CA5A: variants seen among roughly 807,000 people sequenced by gnomAD.
The protein encoded by CA5A is carbonic anhydrase 5A, also known as carbonic anhydrase 5A, mitochondrial.
A neutral mutation model predicts 37.1 loss-of-function variants in CA5A; 28 were observed. The ratio of observed to expected loss-of-function variants is 0.75; its 90% CI spans 0.56 to 1.03. The LOEUF (loss-of-function observed/expected upper bound fraction) is 1.03, where lower values mean the gene tolerates loss of function less well. CA5A is among the 50% of genes least tolerant of loss of function. CA5A has a pLI of 0.00. For missense variants in CA5A, 444 were observed against 399.9 expected (o/e 1.11, Z -0.94); for synonymous variants, 171 against 158.4 (o/e 1.08, Z -0.60).
chr16:87,902,330 T>C (rs960193223), intron 4 of CA5A, 95 bp downstream of exon 4: 3 of 741,200 alleles, frequency 4.0e-6, no homozygotes, highest in African/African-American at 1.8e-5. Flanking sequence ...CTCCAGCCTG[T>C]GTGACACAGC....
intron 2 of CA5A, among the ~76,000 whole-genome samples, chr16:87,907,636 G>C (rs1481100581): frequency 6.6e-6 from 1 of 152,062 alleles, no homozygotes; most frequent in African/African-American, 2.4e-5. Context: ...AGCAGAGGCT[G>C]TTTCTAGGCT....
chr16:87,915,395 C>T (rs543680797), intron 2 of CA5A, among the ~76,000 whole-genome samples: 7 of 152,120 alleles, frequency 4.6e-5, no homozygotes, highest in South Asian at 4.1e-4. Flanking sequence ...CAAGGCCAGG[C>T]GTGGTGGAGT....
chr16:87,921,869 A>ATT (rs1319680191), intron 2 of CA5A, among the ~76,000 whole-genome samples: 3 of 75,606 alleles, frequency 4.0e-5, no homozygotes, highest in African/African-American at 1.7e-4. Flanking sequence ...TGTTATTATT[A>ATT]TTATTATTAT....
At chr16:87,887,184 T>G (rs550715502), downstream of CA5A, 69 of 152,436 alleles carry the variant, frequency 4.5e-4, no homozygotes, top group African/African-American at 1.6e-3. Flanking sequence ...ATTACAGGCA[T>G]GAGCCACTGC....
intron 3 of CA5A, among the ~76,000 whole-genome samples, chr16:87,903,038 G>GT (rs1031470277): frequency 8.7e-5 from 12 of 138,400 alleles, no homozygotes; most frequent in African/African-American, 3.0e-4. Context: ...CTTCCTGGTG[G>GT]GGGGGGAAAG....
intron 5 of CA5A, chr16:87,893,712 C>G: frequency 3.9e-6 from 2 of 514,798 alleles, no homozygotes; most frequent in South Asian, 3.0e-5. Context: ...CAGATTTGGT[C>G]GTGGACATGG....
chr16:87,896,984 C>A (rs1415649086), intron 5 of CA5A, among the ~76,000 whole-genome samples: 1 of 152,204 alleles, frequency 6.6e-6, no homozygotes, highest in Non-Finnish European at 1.5e-5. Context: ...ATTTTATGAG[C>A]GTCAAGCCCC....
intron 5 of CA5A, among the ~76,000 whole-genome samples, chr16:87,895,991 T>G (rs1327474847): frequency 6.6e-6 from 1 of 152,152 alleles, no homozygotes; most frequent in Non-Finnish European, 1.5e-5. Context: ...CTGGTGCACG[T>G]GGGTAACAGG....
intron 2 of CA5A, chr16:87,923,398 G>T: frequency 4.1e-6 from 1 of 241,664 alleles, no homozygotes; most frequent in Non-Finnish European, 6.7e-6. Flanking sequence ...ATGTTGGCCA[G>T]GCTGAACTTG....
At chr16:87,882,275 T>C (rs2055613848) in intron 4 of CA5A, 2 of 152,246 alleles carry the variant, frequency 1.3e-5, no homozygotes, top group African/African-American at 4.8e-5. Context: ...CAGCGTGAAC[T>C]GCCCGGCATT....
At position 87,934,425 on chromosome 16, in the gene CA5A, G is replaced by A. The variant is rs149342835; in HGVS notation, c.142+1884C>T. 4.3e-3 allele frequency among the ~76,000 whole-genome samples: 662 copies of A among 152,296 alleles called. 2 individuals are homozygous for A. Among genetic ancestry groups the A allele is most frequent in the African/African-American group, 0.012 (482 of 41,568 alleles). ...ATCTACTAAAAATACAAAATTAGCC[G>A]GATGTGGTGGCGCATGCCTGTAATT... is the stretch of plus-strand genomic sequence containing the variant. On this transcript the variant is annotated intron_variant, in intron 1 of 6. Transcript: ENST00000649794.
chr16:87,895,269 G>C (rs1239012120), intron 5 of CA5A, among the ~76,000 whole-genome samples: 1 of 151,936 alleles, frequency 6.6e-6, no homozygotes, highest in African/African-American at 2.4e-5. Flanking sequence ...AAATAGGCTG[G>C]GCACGGTGGC....
intron 5 of CA5A, 119 bp from the exon 6 acceptor site, chr16:87,892,073 G>T: frequency 2.3e-6 from 2 of 864,236 alleles, no homozygotes; most frequent in Non-Finnish European, 3.4e-6. Flanking sequence ...CCCAGATAAG[G>T]CCATGAGGCC....
In CA5A at chr16:87,888,028, T is replaced by C. The variant is rs948316170; in HGVS notation, c.*101A>G. On this transcript the variant is annotated 3_prime_UTR_variant, in exon 7 of 7. Coordinates refer to ENST00000649794, the MANE Select transcript of CA5A (RefSeq NM_001739.2). Reference sequence around the variant, plus strand: ...ACTAAAACAATAACCTCATGCTCTCTTTTTAATTTCAGAAGTCATGTACAA... The same window carrying C: ...ACTAAAACAATAACCTCATGCTCTCCTTTTAATTTCAGAAGTCATGTACAA... 26 of 1,484,366 alleles carry C rather than the reference T, an allele frequency of 1.8e-5. No homozygotes were observed. The highest frequency in any genetic ancestry group is 1.7e-4 in the African/African-American group (12 of 71,204). The allele number at this position is 1,484,366 out of a possible 1,614,324, so 91.9% of individuals were successfully genotyped here.
rs575296044 is a variant in CA5A at position 87,898,786 on chromosome 16, G to A, written c.618+3126C>T. Among the ~76,000 whole-genome samples the A allele has an allele frequency of 2.1e-4, 31 of 148,510 alleles. 2 individuals are homozygous for A. The East Asian group carries it at 5.8e-3, about 28-fold the overall frequency. ...TTCTCGAGCTGTCACCCAGACTGGA[G>A]TGCAGTGGCACGATCTCGGCTCACT... On this transcript the variant is annotated intron_variant, in intron 5 of 6. Transcript: ENST00000649794.
At chr16:87,923,598 A>G (rs2056260031) in intron 2 of CA5A, 2 of 985,336 alleles carry the variant, frequency 2.0e-6, no homozygotes, top group South Asian at 4.7e-5. Flanking sequence ...TGGTGAGGAC[A>G]TTAGCCGGGT....
downstream of CA5A, chr16:87,884,261 C>CAAAAAAA (rs969489629): frequency 1.9e-4 from 5 of 26,794 alleles, no homozygotes; most frequent in Admixed American, 4.9e-4. Context: ...ACTAAAAATG[C>CAAAAAAA]AAAAAAAAAA....
intron 1 of CA5A, among the ~76,000 whole-genome samples, chr16:87,927,812 G>T (rs2056333383): frequency 1.4e-5 from 2 of 147,252 alleles, no homozygotes; most frequent in Non-Finnish European, 3.0e-5. Context: ...AGTGAGCCGA[G>T]ATCGCGCCAC....
intron 5 of CA5A, chr16:87,893,771 TCA>T (rs1481670695): frequency 2.4e-6 from 1 of 409,056 alleles, no homozygotes; most frequent in Non-Finnish European, 4.7e-6. Flanking sequence ...TTGAATACAC[TCA>T]CAGCCAAAAA....
Sources: gnomAD v4.1 joint callset for allele counts (sites outside exome capture counted in the v4.1 genomes callset) on GRCh38, gnomAD v4.1.1 for gene constraint, MANE v1.5 for transcripts, NCBI Gene and HGNC (gene_info 2026-07-23, HGNC 2026-07-21) for gene names.